The following SNTG2 variants were observed in gnomAD, a reference collection of about 807,000 sequenced individuals.
SNTG2 encodes the protein gamma-2-syntrophin.
Under a neutral mutation model 70.9 loss-of-function variants are expected in SNTG2, and 74 were observed. The observed-to-expected ratio is 1.04, with a 90% CI of 0.86 to 1.27. The LOEUF (loss-of-function observed/expected upper bound fraction) is 1.27, where lower values mean the gene tolerates loss of function less well. Among genes scored for constraint, SNTG2 ranks in the 50% most tolerant of loss-of-function variants. SNTG2 has a pLI of 0.00. For synonymous variants in SNTG2, 278 were observed against 273.8 expected (o/e 1.02, Z -0.15); for missense variants, 717 against 690.7 (o/e 1.04, Z -0.43).
At chr2:1,005,575 G>A (rs1328513085) in intron 1 of SNTG2, among the ~76,000 whole-genome samples, 6 of 151,394 alleles carry the variant, frequency 4.0e-5, no homozygotes, top group Admixed American at 1.3e-4. Flanking sequence ...AGGCTGAGGC[G>A]GGTGGATCGC....
chr2:1,213,474 G>A (rs1674177677), intron 9 of SNTG2, among the ~76,000 whole-genome samples: 2 of 152,280 alleles, frequency 1.3e-5, no homozygotes, highest in East Asian at 1.9e-4. Flanking sequence ...AAATAAATAT[G>A]AGCTTTGCAT....
intron 8 of SNTG2, among the ~76,000 whole-genome samples, chr2:1,203,690 A>ATGTGTG (rs1553355281): frequency 7.1e-6 from 1 of 141,308 alleles, no homozygotes; most frequent in Non-Finnish European, 1.5e-5. Context: ...ATATATATAT[A>ATGTGTG]TGTGTGTGTG....
At chr2:1,081,691 G>A (rs1202550778) in intron 1 of SNTG2, among the ~76,000 whole-genome samples, 2 of 152,242 alleles carry the variant, frequency 1.3e-5, no homozygotes, top group Admixed American at 6.5e-5. Flanking sequence ...CGTCCCGTGA[G>A]CTCCCAGAGC....
At chr2:1,090,586 G>A (rs1047449117) in intron 2 of SNTG2, among the ~76,000 whole-genome samples, 6 of 152,158 alleles carry the variant, frequency 3.9e-5, no homozygotes, top group African/African-American at 7.2e-5. Flanking sequence ...GGGCCGGTGG[G>A]TGACTTGAGA....
At chr2:977,500 G>T (rs1279817070) in intron 1 of SNTG2, among the ~76,000 whole-genome samples, 1 of 152,064 alleles carries the variant, frequency 6.6e-6, no homozygotes, top group East Asian at 1.9e-4. Context: ...CCCCTGACCC[G>T]CTGCCTCCAC....
At chr2:964,487 A>G (rs952616962) in intron 1 of SNTG2, among the ~76,000 whole-genome samples, 3 of 152,216 alleles carry the variant, frequency 2.0e-5, no homozygotes, top group Non-Finnish European at 4.4e-5. Context: ...TGCTGACTGT[A>G]GGATGCAGAT....
intron 9 of SNTG2, among the ~76,000 whole-genome samples, chr2:1,222,472 A>ACCGC (rs1558555300): frequency 2.1e-5 from 3 of 143,134 alleles, no homozygotes; most frequent in East Asian, 4.3e-4. Flanking sequence ...GAGGTGCTGG[A>ACCGC]TCGCTGTAGA....
intron 11 of SNTG2, among the ~76,000 whole-genome samples, chr2:1,240,851 C>T (rs1348035857): frequency 1.3e-5 from 2 of 152,138 alleles, no homozygotes; most frequent in Admixed American, 1.3e-4. Context: ...TTTTTGTTTA[C>T]ATAGATATTT....
chr2:1,249,859 A>G (rs1242776337), intron 12 of SNTG2, among the ~76,000 whole-genome samples: 1 of 152,170 alleles, frequency 6.6e-6, no homozygotes, highest in Non-Finnish European at 1.5e-5. Flanking sequence ...GTCTTCCCTC[A>G]GGGCCCTGAG....
chr2:1,223,999 A>C (rs1675573591), intron 9 of SNTG2, among the ~76,000 whole-genome samples: 1 of 151,064 alleles, frequency 6.6e-6, no homozygotes, highest in Non-Finnish European at 1.5e-5. Context: ...CTGCAAGTGC[A>C]GGGTCAGGTG....
intron 9 of SNTG2, among the ~76,000 whole-genome samples, chr2:1,222,411 T>A (rs1468931233): frequency 6.6e-6 from 1 of 152,268 alleles, no homozygotes. Flanking sequence ...GGAGATTTCA[T>A]AGGCTATCAG....
chr2:1,197,485 AT>A (rs978456205), intron 8 of SNTG2, among the ~76,000 whole-genome samples: 7 of 129,266 alleles, frequency 5.4e-5, no homozygotes, highest in Non-Finnish European at 1.7e-5. Flanking sequence ...GTATATATAT[AT>A]GTGTATGTAT....
chr2:1,250,191 C>T lies in SNTG2; in HGVS notation c.1005+2748C>T, dbSNP rs536147273. Among the ~76,000 whole-genome samples the T allele has an allele frequency of 4.1e-4, 63 of 152,334 alleles. 1 individual carries two copies. The highest frequency in any genetic ancestry group is 1.4e-3 in the African/African-American group (60 of 41,580). Reference sequence around the variant, plus strand: ...CCAGCCTCCTGCCCCTTCCTCTGGCCCACAAAGTCCGTGCTCTGTCTCCGC... The same window carrying T: ...CCAGCCTCCTGCCCCTTCCTCTGGCTCACAAAGTCCGTGCTCTGTCTCCGC... On this transcript the variant is annotated intron_variant, in intron 12 of 16. Coordinates refer to ENST00000308624, the MANE Select transcript of SNTG2 (RefSeq NM_018968.4).
At chr2:1,113,898 CTAAG>C (rs1286416607) in intron 4 of SNTG2, among the ~76,000 whole-genome samples, 60 of 149,276 alleles carry the variant, frequency 4.0e-4, no homozygotes, top group African/African-American at 1.1e-3. Flanking sequence ...ATGGTGTGTA[CTAAG>C]TGAGGTTTAA....
At chr2:1,255,919 A>AATATATATATAT (rs1334434554) in intron 12 of SNTG2, among the ~76,000 whole-genome samples, 3 of 90,242 alleles carry the variant, frequency 3.3e-5, no homozygotes, top group East Asian at 2.8e-4. Context: ...TATATATATA[A>AATATATATATAT]ATATATAAAT....
chr2:1,193,367 T>G (rs1672717197), intron 8 of SNTG2, among the ~76,000 whole-genome samples: 1 of 152,158 alleles, frequency 6.6e-6, no homozygotes, highest in Non-Finnish European at 1.5e-5. Context: ...GCTCACCACC[T>G]GATGAAAAGG....
rs1352981805 is a variant in SNTG2 at position 1,097,749 on chromosome 2, C to T, written c.211-447C>T. Among the ~76,000 whole-genome samples, 1 of 151,966 alleles carries T rather than the reference C, an allele frequency of 6.6e-6. No homozygotes were observed. The highest frequency in any genetic ancestry group is 1.5e-5 in the Non-Finnish European group (1 of 68,014). ...GAATTAATATTGGTTGAAGATTGTC[C>T]TAAACACGGCTGACTTCAGCAGAGA... On this transcript the variant is annotated intron_variant, in intron 2 of 16. Coordinates refer to ENST00000308624, the MANE Select transcript of SNTG2 (RefSeq NM_018968.4). The surrounding 1 kb of genome is among the most constrained non-coding windows in gnomAD (Gnocchi z 4.1).
chr2:1,119,676 A>G (rs1667261046), intron 4 of SNTG2, among the ~76,000 whole-genome samples: 1 of 152,126 alleles, frequency 6.6e-6, no homozygotes, highest in African/African-American at 2.4e-5. Flanking sequence ...GATAGCAGAC[A>G]TACAAAGGGT....
chr2:1,189,779 C>A (rs557536719), intron 8 of SNTG2, among the ~76,000 whole-genome samples: 182 of 152,148 alleles, frequency 1.2e-3, no homozygotes, highest in African/African-American at 4.0e-3. Context: ...AATCTCTTGA[C>A]CTCGTGATCC....
Sources: allele counts gnomAD v4.1 joint callset (sites outside exome capture counted in the v4.1 genomes callset), GRCh38; gene constraint gnomAD v4.1.1; non-coding constraint Gnocchi (gnomAD v3.1); transcripts MANE v1.5; gene names NCBI Gene and HGNC (gene_info 2026-07-23, HGNC 2026-07-21).